The following TMEM132B variants were observed in gnomAD, a reference collection of about 807,000 sequenced individuals.
TMEM132B encodes the protein transmembrane protein 132B.
A neutral mutation model predicts 90.8 loss-of-function variants in TMEM132B; 18 were observed. That is an observed-to-expected ratio of 0.20 (90% CI 0.14 to 0.29). TMEM132B has a LOEUF of 0.29. Among genes scored for constraint, TMEM132B ranks in the 10% least tolerant of loss-of-function variants. The probability of loss-of-function intolerance (pLI) is 1.00; values close to 1 mark genes in which losing one functional copy is unlikely to be tolerated. For missense variants in TMEM132B, 1,096 were observed against 1,326.8 expected (o/e 0.83, Z 2.70); for synonymous variants, 504 against 523.3 (o/e 0.96, Z 0.50).
chr12:125,445,553 T>C lies in TMEM132B; in HGVS notation c.1106+29876T>C, dbSNP rs1208092514. On this transcript the variant is annotated intron_variant, in intron 3 of 8. Coordinates refer to ENST00000682704, the MANE Select transcript of TMEM132B (RefSeq NM_001366854.1). This position sits in a 1 kb window ranked among gnomAD's most constrained non-coding sequence, Gnocchi z 4.3. ...CTGCATCTGGAGTGCTGCTCTTTTT[T>C]CTTCTTTTTCCTGCTGACATCTGGC... 1.3e-5 allele frequency among the ~76,000 whole-genome samples: 2 copies of C among 152,176 alleles called. No homozygotes were observed. Among genetic ancestry groups the C allele is most frequent in the African/African-American group, 4.8e-5 (2 of 41,446 alleles).
intron 4 of TMEM132B, among the ~76,000 whole-genome samples, chr12:125,578,803 C>T (rs777057031): frequency 1.2e-4 from 18 of 152,146 alleles, no homozygotes; most frequent in Non-Finnish European, 1.5e-4. Flanking sequence ...GATAATACAA[C>T]AGGTCTTAGT....
intron 4 of TMEM132B, among the ~76,000 whole-genome samples, chr12:125,533,621 C>G (rs950614137): frequency 3.3e-5 from 5 of 152,218 alleles, no homozygotes; most frequent in Admixed American, 3.3e-4. Flanking sequence ...ATGGTCCTGG[C>G]GCACCCGCTA....
chr12:125,317,981 T>C (rs895632670), intron 1 of TMEM132B, among the ~76,000 whole-genome samples: 1 of 152,202 alleles, frequency 6.6e-6, no homozygotes, highest in African/African-American at 2.4e-5. Flanking sequence ...AATGGATCCA[T>C]ATGGTATTTC....
chr12:125,605,601 C>G lies in TMEM132B; in HGVS notation c.1437+21607C>G, dbSNP rs139516878. On this transcript the variant is annotated intron_variant, in intron 5 of 8. Coordinates refer to ENST00000682704, the MANE Select transcript of TMEM132B (RefSeq NM_001366854.1). ...TATATTAGTATGAAAAATCTCTCCTCTTAATTTTCAGTGGGCGTCTGTACT... is the reference window on the plus strand; with the variant it reads ...TATATTAGTATGAAAAATCTCTCCTGTTAATTTTCAGTGGGCGTCTGTACT... 5.9e-4 allele frequency among the ~76,000 whole-genome samples: 90 copies of G among 152,284 alleles called. 2 individuals are homozygous for G. The East Asian group carries it at 0.016, about 27-fold the overall frequency.
At chr12:125,444,451 A>C (rs925830909) in intron 3 of TMEM132B, among the ~76,000 whole-genome samples, 2 of 152,218 alleles carry the variant, frequency 1.3e-5, no homozygotes, top group Non-Finnish European at 2.9e-5. Context: ...CTACTCTTTC[A>C]TATAAATGTT....
intron 1 of TMEM132B, among the ~76,000 whole-genome samples, chr12:125,296,245 C>T (rs1289774045): frequency 6.6e-6 from 1 of 152,252 alleles, no homozygotes; most frequent in African/African-American, 2.4e-5. Flanking sequence ...ATGCCCTGCT[C>T]TGGCCACACT....
intron 1 of TMEM132B, among the ~76,000 whole-genome samples, chr12:125,226,273 C>T (rs1191140167): frequency 6.6e-6 from 1 of 152,204 alleles, no homozygotes; most frequent in African/African-American, 2.4e-5. Flanking sequence ...ACCCCAGCTT[C>T]CAGCCCCAGC....
At chr12:125,192,495 T>G (rs950899287) in intron 1 of TMEM132B, among the ~76,000 whole-genome samples, 1 of 152,222 alleles carries the variant, frequency 6.6e-6, no homozygotes, top group South Asian at 2.1e-4. Context: ...CCATTTATTT[T>G]AGAAATGAGG....
chr12:125,453,008 C>T (rs1261660437), intron 3 of TMEM132B, among the ~76,000 whole-genome samples: 2 of 151,908 alleles, frequency 1.3e-5, no homozygotes, highest in Non-Finnish European at 2.9e-5. Flanking sequence ...TTATCTCTTA[C>T]ACTAAAATCT....
intron 1 of TMEM132B, among the ~76,000 whole-genome samples, chr12:125,328,777 C>T (rs1278495701): frequency 6.6e-6 from 1 of 152,186 alleles, no homozygotes; most frequent in African/African-American, 2.4e-5. Flanking sequence ...ACTACAGGTC[C>T]TGTTTTCTCT....
chr12:125,483,239 T>C (rs1409237988), intron 3 of TMEM132B, among the ~76,000 whole-genome samples: 1 of 151,836 alleles, frequency 6.6e-6, no homozygotes, highest in Non-Finnish European at 1.5e-5. Context: ...GAACTTAAAG[T>C]GTAATAAAAA....
At chr12:125,357,821 C>T (rs1229210693) in intron 2 of TMEM132B, among the ~76,000 whole-genome samples, 1 of 152,198 alleles carries the variant, frequency 6.6e-6, no homozygotes, top group Non-Finnish European at 1.5e-5. Context: ...ATCTGCAGAC[C>T]CAGGACTCAT....
intron 2 of TMEM132B, among the ~76,000 whole-genome samples, chr12:125,387,855 A>G (rs1024415094): frequency 4.6e-5 from 7 of 152,252 alleles, no homozygotes; most frequent in African/African-American, 1.4e-4. Flanking sequence ...AATTCTGGAT[A>G]CTGAGATGAA....
rs1881357684 is a variant in TMEM132B at position 125,458,631 on chromosome 12, G to A, written c.1106+42954G>A. On this transcript the variant is annotated intron_variant, in intron 3 of 8. Coordinates refer to ENST00000682704, the MANE Select transcript of TMEM132B (RefSeq NM_001366854.1). The surrounding 1 kb of genome is among the most constrained non-coding windows in gnomAD (Gnocchi z 4.9). ...GAGCTGGCTCAGGACCCCTGGAAAT[G>A]AGACTCACATCCATGCGGCCAGCGT... Among the ~76,000 whole-genome samples the A allele has an allele frequency of 6.6e-6, 1 of 152,168 alleles. No individual in the cohort carries two copies. Among genetic ancestry groups the A allele is most frequent in the Admixed American group, 6.5e-5 (1 of 15,280 alleles).
intron 1 of TMEM132B, among the ~76,000 whole-genome samples, chr12:125,205,015 A>G (rs2136060371): frequency 2.8e-5 from 3 of 107,292 alleles, no homozygotes; most frequent in Non-Finnish European, 5.7e-5. Flanking sequence ...TATCTCATGA[A>G]TCCTTTCAGC....
At chr12:125,392,644 A>G (rs1879058306) in intron 2 of TMEM132B, among the ~76,000 whole-genome samples, 1 of 152,180 alleles carries the variant, frequency 6.6e-6, no homozygotes, top group Non-Finnish European at 1.5e-5. Context: ...CCAACAGCCA[A>G]GATCATACCA....
chr12:125,600,730 C>G (rs1338018346), intron 5 of TMEM132B, among the ~76,000 whole-genome samples: 1 of 152,030 alleles, frequency 6.6e-6, no homozygotes, highest in East Asian at 1.9e-4. Context: ...GAAATGACAT[C>G]GTGTCTAAAT....
intron 2 of TMEM132B, among the ~76,000 whole-genome samples, chr12:125,377,374 G>A (rs113490715): frequency 6.2e-4 from 95 of 152,292 alleles, no homozygotes; most frequent in Middle Eastern, 3.4e-3. Flanking sequence ...GGGCTGGACT[G>A]GGGAGAAGGT....
chr12:125,520,766 G>A (rs1241558599), intron 4 of TMEM132B, among the ~76,000 whole-genome samples: 1 of 152,202 alleles, frequency 6.6e-6, no homozygotes, highest in Non-Finnish European at 1.5e-5. Flanking sequence ...TGGGATTCAT[G>A]ACAGTAGGGT....
Sources: allele counts gnomAD v4.1 joint callset (sites outside exome capture counted in the v4.1 genomes callset), GRCh38; gene constraint gnomAD v4.1.1; non-coding constraint Gnocchi (gnomAD v3.1); transcripts MANE v1.5; gene names NCBI Gene and HGNC (gene_info 2026-07-23, HGNC 2026-07-21).